SRGAP3: variants seen among roughly 807,000 people sequenced by gnomAD.
SRGAP3 encodes the protein SLIT-ROBO Rho GTPase-activating protein 3.
SRGAP3 carries 39 observed loss-of-function variants against 121.1 expected under a neutral mutation model. The ratio of observed to expected loss-of-function variants is 0.32; its 90% CI spans 0.25 to 0.42. SRGAP3 has a LOEUF of 0.42. Among genes scored for constraint, SRGAP3 ranks in the 10% least tolerant of loss-of-function variants. SRGAP3 has a pLI of 1.00. For synonymous variants in SRGAP3, 601 were observed against 570.0 expected (o/e 1.05, Z -0.77); for missense variants, 1,213 against 1,470.6 (o/e 0.82, Z 2.86).
At chr3:9,161,942 A>G (rs879407921) in intron 1 of SRGAP3, among the ~76,000 whole-genome samples, 1 of 152,214 alleles carries the variant, frequency 6.6e-6, no homozygotes, top group African/African-American at 2.4e-5. Context: ...GATGGACTGG[A>G]TGAACAAGGT....
At chr3:9,297,371 C>T (rs1289165076) in intron 3 of SRGAP3, among the ~76,000 whole-genome samples, 1 of 152,080 alleles carries the variant, frequency 6.6e-6, no homozygotes, top group Admixed American at 6.6e-5. Context: ...AGCTTGAAGT[C>T]AGGCAAATTT....
chr3:8,994,085 G>A, intron 19 of SRGAP3: 2 of 511,026 alleles, frequency 3.9e-6, no homozygotes, highest in South Asian at 4.0e-5. Flanking sequence ...ACTCCCTGGG[G>A]GCTGTCAGCT....
At chr3:9,084,848 G>T (rs534589527) in intron 3 of SRGAP3, among the ~76,000 whole-genome samples, 2 of 152,184 alleles carry the variant, frequency 1.3e-5, no homozygotes, top group South Asian at 4.1e-4. Flanking sequence ...ATTGTCTACA[G>T]AATCAAGCCC....
At chr3:9,022,765 C>T (rs985090001) in intron 14 of SRGAP3, among the ~76,000 whole-genome samples, 1 of 152,188 alleles carries the variant, frequency 6.6e-6, no homozygotes, top group African/African-American at 2.4e-5. Flanking sequence ...GCAGAAGGAC[C>T]AGGCTGGCGA....
chr3:9,318,294 C>T (rs906354791), intron 3 of SRGAP3, among the ~76,000 whole-genome samples: 2 of 151,870 alleles, frequency 1.3e-5, no homozygotes, highest in African/African-American at 2.4e-5. Context: ...CTGGGCCACA[C>T]TGGGAACCCA....
At chr3:9,349,145 C>A (rs146572636) in intron 1 of SRGAP3, 1 of 774,484 alleles carries the variant, frequency 1.3e-6, no homozygotes, top group Non-Finnish European at 2.3e-6. Context: ...AGAGACCATG[C>A]GTAAAGCCAT....
intron 3 of SRGAP3, among the ~76,000 whole-genome samples, chr3:9,287,656 A>G (rs910807053): frequency 6.6e-6 from 1 of 152,184 alleles, no homozygotes; most frequent in Non-Finnish European, 1.5e-5. Context: ...ATTGGGTACA[A>G]TGTTCACTAT....
At chr3:9,270,391 T>G (rs1954450455) in intron 3 of SRGAP3, among the ~76,000 whole-genome samples, 1 of 152,072 alleles carries the variant, frequency 6.6e-6, no homozygotes. Flanking sequence ...GCGATAGAAA[T>G]CAGAACAATA....
rs565978754 is a variant in SRGAP3 at position 9,324,889 on chromosome 3, G to A, written n.442+1121C>T. On this transcript the variant is annotated intron_variant and non_coding_transcript_variant, in intron 3 of 3. Transcript: ENST00000490889. ...GGAAAATGGCATGAACCCGGGAGGC[G>A]GAGCTTGCAGTGAGCCGAGATCGCG... is the stretch of plus-strand genomic sequence containing the variant. 9.2e-5 allele frequency among the ~76,000 whole-genome samples: 14 copies of A among 151,562 alleles called. No homozygotes were observed. In the East Asian group the frequency reaches 2.3e-3, roughly 25 times the overall value.
At chr3:9,024,556 A>G (rs981396974) in intron 14 of SRGAP3, among the ~76,000 whole-genome samples, 1 of 152,126 alleles carries the variant, frequency 6.6e-6, no homozygotes, top group African/African-American at 2.4e-5. Flanking sequence ...ATCTGTTCCT[A>G]TCAGGGATTC....
intron 3 of SRGAP3, among the ~76,000 whole-genome samples, chr3:9,091,698 G>T (rs987198587): frequency 6.6e-6 from 1 of 152,136 alleles, no homozygotes; most frequent in African/African-American, 2.4e-5. Flanking sequence ...TCCTAGCCAG[G>T]ACTTTGGTTG....
chr3:9,222,525 C>T (rs1053728266), intron 1 of SRGAP3, among the ~76,000 whole-genome samples: 12 of 152,234 alleles, frequency 7.9e-5, no homozygotes, highest in African/African-American at 2.7e-4. Flanking sequence ...CTGATTAAAG[C>T]AAGGGAACAT....
chr3:9,104,923 C>A (rs1226967661), intron 2 of SRGAP3, 81 bp from the exon 3 acceptor site: 16 of 1,561,406 alleles, frequency 1.0e-5, no homozygotes, highest in Non-Finnish European at 1.4e-5. Flanking sequence ...CACTTCAGCT[C>A]TTTTAACCTC....
chr3:9,099,651 AGGAGT>A (rs1403280696), intron 3 of SRGAP3, among the ~76,000 whole-genome samples: 1 of 152,240 alleles, frequency 6.6e-6, no homozygotes, highest in Admixed American at 6.5e-5. Context: ...AGGTTGGACT[AGGAGT>A]CATTCTCCAT....
rs535079623 is a variant in SRGAP3, at chr3:8,992,205, G to GA, written c.2558+700dup. Among the ~76,000 whole-genome samples the GA allele has an allele frequency of 3.9e-5, 6 of 152,176 alleles. No homozygotes were observed. In the South Asian group the frequency reaches 6.2e-4, roughly 16 times the overall value. The stretch of plus-strand genomic sequence containing the variant: ...GGCTGACCACATGACCCCTCCACTG[G>GA]AAAAAACATAGAATATGACATTTTG... On this transcript the variant is annotated intron_variant, in intron 20 of 21. Transcript: ENST00000383836.
At chr3:9,258,098 C>T (rs1954174212) in intron 3 of SRGAP3, among the ~76,000 whole-genome samples, 1 of 152,112 alleles carries the variant, frequency 6.6e-6, no homozygotes. Flanking sequence ...TTGTGAAGAC[C>T]TCAGTTTAAT....
At chr3:9,139,092 C>T (rs1045889170) in intron 1 of SRGAP3, among the ~76,000 whole-genome samples, 1 of 152,180 alleles carries the variant, frequency 6.6e-6, no homozygotes, top group South Asian at 2.1e-4. Flanking sequence ...AGTGCTCAAC[C>T]CTTTTGTCCA....
At chr3:9,038,145 A>G (rs748618265) in intron 10 of SRGAP3, 55 bp from the exon 11 acceptor site, 1 of 1,609,258 alleles carries the variant, frequency 6.2e-7, no homozygotes, top group East Asian at 2.2e-5. Context: ...TAATCCAAAG[A>G]ACATTCATCT....
intron 3 of SRGAP3, among the ~76,000 whole-genome samples, chr3:9,297,568 C>T (rs552964835): frequency 1.1e-3 from 161 of 151,998 alleles, no homozygotes; most frequent in Middle Eastern, 3.4e-3. Context: ...TTCAGGTGGA[C>T]CCTAATCCAA....
Sources: allele counts gnomAD v4.1 joint callset (sites outside exome capture counted in the v4.1 genomes callset), GRCh38; gene constraint gnomAD v4.1.1; transcripts MANE v1.5; gene names NCBI Gene and HGNC (gene_info 2026-07-23, HGNC 2026-07-21).